The following L3MBTL4 variants were observed in gnomAD, a reference collection of about 807,000 sequenced individuals.
L3MBTL4 encodes L3MBTL histone methyl-lysine binding protein 4, also known as lethal(3)malignant brain tumor-like protein 4.
Under a neutral mutation model 84.5 loss-of-function variants are expected in L3MBTL4, and 70 were observed. The ratio of observed to expected loss-of-function variants is 0.83; its 90% CI spans 0.68 to 1.01. L3MBTL4 has a LOEUF of 1.01. Among genes scored for constraint, L3MBTL4 ranks in the 50% least tolerant of loss-of-function variants. The probability of loss-of-function intolerance (pLI) is 0.00; values close to 1 mark genes in which losing one functional copy is unlikely to be tolerated. For missense variants in L3MBTL4, 715 were observed against 754.8 expected, an observed-to-expected ratio of 0.95 and a Z score of 0.62; for synonymous variants, 274 against 259.8, an observed-to-expected ratio of 1.05 and a Z score of -0.52.
At chr18:6,029,901 G>A (rs2055701280) in intron 16 of L3MBTL4, 11 of 985,370 alleles carry the variant, frequency 1.1e-5, no homozygotes, top group Non-Finnish European at 1.3e-5. Context: ...TCACAAGCAT[G>A]AGTGATGAGT....
intron 13 of L3MBTL4, among the ~76,000 whole-genome samples, chr18:6,165,143 A>C (rs1598972710): frequency 6.6e-6 from 1 of 152,200 alleles, no homozygotes; most frequent in South Asian, 2.1e-4. Context: ...AAAGAATAAA[A>C]AGAAATGAAC....
chr18:6,307,596 T>A (rs1413308687), intron 3 of L3MBTL4, among the ~76,000 whole-genome samples: 3 of 152,198 alleles, frequency 2.0e-5, no homozygotes, highest in Non-Finnish European at 4.4e-5. Context: ...TCTACCTTTC[T>A]CTGAAGGGTG....
At chr18:6,124,484 A>G (rs1007714918) in intron 14 of L3MBTL4, among the ~76,000 whole-genome samples, 2 of 150,180 alleles carry the variant, frequency 1.3e-5, no homozygotes, top group African/African-American at 4.9e-5. Context: ...TATACACACC[A>G]ATACATGCAG....
At chr18:6,128,497 A>T (rs1215768556) in intron 14 of L3MBTL4, among the ~76,000 whole-genome samples, 2 of 152,122 alleles carry the variant, frequency 1.3e-5, no homozygotes, top group African/African-American at 4.8e-5. Flanking sequence ...GGGGAGTGAC[A>T]TGATAGAGCG....
At chr18:6,161,725 G>A (rs1447728265) in intron 13 of L3MBTL4, among the ~76,000 whole-genome samples, 1 of 152,108 alleles carries the variant, frequency 6.6e-6, no homozygotes, top group Non-Finnish European at 1.5e-5. Context: ...TCTGAGCCCG[G>A]CTCAACACTG....
At chr18:6,323,973 AC>A (rs2051571695) in intron 1 of L3MBTL4, among the ~76,000 whole-genome samples, 1 of 152,176 alleles carries the variant, frequency 6.6e-6, no homozygotes. Flanking sequence ...TGTGCGTCAC[AC>A]CCAGGGGCCT....
chr18:6,211,321 C>A (rs922242244), intron 12 of L3MBTL4, among the ~76,000 whole-genome samples: 17 of 152,194 alleles, frequency 1.1e-4, no homozygotes, highest in African/African-American at 3.6e-4. Context: ...CTCCTCCACA[C>A]CCTCCTTAAT....
intron 16 of L3MBTL4, among the ~76,000 whole-genome samples, chr18:6,003,064 CTATTTA>C (rs2054291494): frequency 9.0e-6 from 1 of 110,668 alleles, no homozygotes; most frequent in Non-Finnish European, 1.8e-5. Flanking sequence ...TATAGTATCT[CTATTTA>C]TAGAGATACT....
intron 12 of L3MBTL4, among the ~76,000 whole-genome samples, chr18:6,191,158 C>T (rs1368201486): frequency 6.6e-6 from 1 of 152,148 alleles, no homozygotes; most frequent in East Asian, 1.9e-4. Context: ...TTACAAGAAC[C>T]AGCCTGGCTG....
rs341240 is a variant in L3MBTL4, at chr18:6,406,653, G to C, written c.-91+8148C>G. On this transcript the variant is annotated intron_variant, in intron 1 of 18. Transcript: ENST00000317931. ...GAGGGGGAGGTGCTACAGACATCTC[G>C]TGAGGTGAGGCAAGGAACACTGACT... Among the ~76,000 whole-genome samples the C allele has an allele frequency of 1.3e-3, 202 of 152,240 alleles. 2 individuals are homozygous for C. Among genetic ancestry groups the C allele is most frequent in the African/African-American group, 4.4e-3 (184 of 41,536 alleles).
intron 1 of L3MBTL4, among the ~76,000 whole-genome samples, chr18:6,344,380 T>C (rs2052768152): frequency 6.6e-6 from 1 of 152,130 alleles, no homozygotes; most frequent in African/African-American, 2.4e-5. Context: ...GAACAAGTAA[T>C]ATTAAATCAG....
At position 5,978,451 on chromosome 18, in the gene L3MBTL4, C is replaced by T. The variant is rs114730049; in HGVS notation, c.1445-8889G>A. Among the ~76,000 whole-genome samples the T allele has an allele frequency of 5.6e-3, 854 of 152,300 alleles. 8 individuals are homozygous for T. The highest frequency in any genetic ancestry group is 0.02 in the African/African-American group (816 of 41,566). ...ACTTATTTTGATCGATACTACACCC[C>T]AATCACCCAGCATGTATTTTTAGAC... On this transcript the variant is annotated intron_variant, in intron 16 of 18. Coordinates refer to ENST00000317931, the MANE Select transcript of L3MBTL4 (RefSeq NM_001330559.2).
At chr18:6,361,160 G>A (rs1003927391) in intron 1 of L3MBTL4, among the ~76,000 whole-genome samples, 8 of 152,152 alleles carry the variant, frequency 5.3e-5, no homozygotes, top group African/African-American at 1.9e-4. Context: ...TACAATGGGT[G>A]AAGCATGTGA....
rs1567915081 is a variant in L3MBTL4, at chr18:5,960,035, T to TAC, written c.1677+58_1677+59insGT. 6.1e-3 allele frequency: 1,573 copies of TAC among 259,926 alleles called. 32 individuals are homozygous for TAC. The African/African-American group carries it at 0.08, about 13-fold the overall frequency. The allele number at this position is 259,926 out of a possible 1,614,324, so 16.1% of individuals were successfully genotyped here. A position where few individuals can be genotyped will look rare whatever the true frequency, so the allele number is the denominator to read the frequency against. On this transcript the variant is annotated intron_variant, in intron 18 of 18. Transcript: ENST00000317931. Reference sequence around the variant, plus strand: ...ACATATATATATATACATATATATATATACACACACATATATATATATATA... The same window carrying TAC: ...ACATATATATATATACATATATATATACATACACACACATATATATATATATA...
At chr18:6,150,968 C>T (rs919316437) in intron 13 of L3MBTL4, among the ~76,000 whole-genome samples, 5 of 152,186 alleles carry the variant, frequency 3.3e-5, no homozygotes, top group East Asian at 1.9e-4. Context: ...AGGGACCGCA[C>T]GGAGTGCCAT....
intron 4 of L3MBTL4, among the ~76,000 whole-genome samples, chr18:6,279,234 T>C (rs961274): frequency 0.17 from 26,066 of 151,632 alleles, 2,285 homozygotes; most frequent in East Asian, 0.23. Flanking sequence ...GAGTGAAGAA[T>C]TGATAAAACA....
chr18:6,052,983 T>C (rs150447325), intron 16 of L3MBTL4, among the ~76,000 whole-genome samples: 25 of 152,360 alleles, frequency 1.6e-4, no homozygotes, highest in African/African-American at 6.0e-4. Context: ...TTAATTTGTA[T>C]TTCCCAGAAC....
intron 13 of L3MBTL4, among the ~76,000 whole-genome samples, chr18:6,156,793 G>A (rs1382952371): frequency 6.6e-6 from 1 of 152,184 alleles, no homozygotes; most frequent in East Asian, 1.9e-4. Context: ...GCACAGAGCT[G>A]TGCTTTATTT....
intron 10 of L3MBTL4, among the ~76,000 whole-genome samples, chr18:6,217,580 A>G (rs2046379540): frequency 1.3e-5 from 2 of 152,198 alleles, no homozygotes; most frequent in African/African-American, 4.8e-5. Flanking sequence ...AAATGCTGCT[A>G]TGAACATTCT....
Sources: allele counts gnomAD v4.1 joint callset (sites outside exome capture counted in the v4.1 genomes callset), GRCh38; gene constraint gnomAD v4.1.1; transcripts MANE v1.5; gene names NCBI Gene and HGNC (gene_info 2026-07-23, HGNC 2026-07-21).